SDK1: variants seen among roughly 807,000 people sequenced by gnomAD.
The protein encoded by SDK1 is sidekick cell adhesion molecule 1, also known as protein sidekick-1.
SDK1 carries 157 observed loss-of-function variants against 245.5 expected under a neutral mutation model. That is an observed-to-expected ratio of 0.64 (90% CI 0.56 to 0.73). The LOEUF (loss-of-function observed/expected upper bound fraction) is 0.73. Ranked by LOEUF, SDK1 falls within the 30% of genes least tolerant of loss-of-function variation. The probability of loss-of-function intolerance (pLI) is 0.00; values close to 1 mark genes in which losing one functional copy is unlikely to be tolerated. For missense variants in SDK1, 3,583 were observed against 3,002.3 expected, an observed-to-expected ratio of 1.19 and a Z score of -4.52; for synonymous variants, 1,647 against 1,278.5, an observed-to-expected ratio of 1.29 and a Z score of -6.15.
intron 22 of SDK1, among the ~76,000 whole-genome samples, chr7:4,080,063 G>T (rs755960941): frequency 1.3e-5 from 2 of 152,158 alleles, no homozygotes; most frequent in African/African-American, 4.8e-5. Context: ...TTCTGCTGTC[G>T]AGGAGAAAAG....
At chr7:4,231,738 G>A (rs17134649) in intron 40 of SDK1, among the ~76,000 whole-genome samples, 2,890 of 152,236 alleles carry the variant, frequency 0.019, 47 homozygotes, top group South Asian at 0.026. Flanking sequence ...TGACTGTAAG[G>A]ACTTAGTCGG....
chr7:3,525,447 G>C (rs986779350), intron 1 of SDK1, among the ~76,000 whole-genome samples: 1 of 152,106 alleles, frequency 6.6e-6, no homozygotes, highest in Admixed American at 6.5e-5. Context: ...TGATGGCATA[G>C]TACATTTACT....
chr7:3,874,629 G>A (rs112122634), intron 5 of SDK1, among the ~76,000 whole-genome samples: 1,618 of 152,106 alleles, frequency 0.011, 38 homozygotes, highest in African/African-American at 0.037. Flanking sequence ...TCTGCAGTGC[G>A]ATCCCACCCC....
In SDK1 at chr7:3,755,713, T is replaced by A. The variant is rs189454692; in HGVS notation, c.714-65737T>A. ...CCAAACAAACGCTGATAGGTTTGTT[T>A]GCCCCTGTAATTTTGTTATTTTCAG... On this transcript the variant is annotated intron_variant, in intron 4 of 44. Transcript: ENST00000404826. Among the ~76,000 whole-genome samples the A allele has an allele frequency of 2.9e-4, 44 of 152,252 alleles. 2 individuals are homozygous for A. Among genetic ancestry groups the A allele is most frequent in the Admixed American group, 2.2e-3 (34 of 15,302 alleles).
intron 12 of SDK1, 82 bp downstream of exon 12, chr7:3,971,650 A>T: frequency 1.9e-6 from 2 of 1,035,764 alleles, no homozygotes; most frequent in Non-Finnish European, 2.9e-6. Flanking sequence ...AGGAGGAAGA[A>T]TTGGGGGAAC....
At chr7:3,802,251 G>C (rs1288817632) in intron 4 of SDK1, among the ~76,000 whole-genome samples, 1 of 152,126 alleles carries the variant, frequency 6.6e-6, no homozygotes, top group Admixed American at 6.5e-5. Context: ...ACAGTGCTGG[G>C]CTGGTCTCAC....
rs146502835 is a variant in SDK1, at chr7:4,240,796, C to T, written c.6131-997C>T. 1.4e-3 allele frequency among the ~76,000 whole-genome samples: 210 copies of T among 151,956 alleles called. 1 individual carries two copies. The highest frequency in any genetic ancestry group is 4.8e-3 in the African/African-American group (200 of 41,420). On this transcript the variant is annotated intron_variant, in intron 42 of 44. Transcript: ENST00000404826. ...AGGGAGGTCGCCTCTGGTCTCAGGG[C>T]GTTTGAGCTGTGATCTGCAGGAAGG...
chr7:3,641,952 C>T lies in SDK1; in HGVS notation c.566-6C>T. On this transcript the variant is annotated splice_polypyrimidine_tract_variant and splice_region_variant and intron_variant, in intron 3 of 44. Transcript: ENST00000404826. Reference sequence around the variant, plus strand: ...AGAACTTGAAAGCACTTCTTTTTCTCTGCAGATATGGGAAGTTTCATGGAT... The same window carrying T: ...AGAACTTGAAAGCACTTCTTTTTCTTTGCAGATATGGGAAGTTTCATGGAT... The T allele has an allele frequency of 6.2e-7, 1 of 1,608,780 alleles. No homozygotes were observed. The highest frequency in any genetic ancestry group is 8.5e-7 in the Non-Finnish European group (1 of 1,178,064).
intron 1 of SDK1, among the ~76,000 whole-genome samples, chr7:3,312,615 G>A (rs1042323522): frequency 1.3e-5 from 2 of 151,742 alleles, no homozygotes; most frequent in African/African-American, 4.8e-5. Flanking sequence ...TAAAGAGCCA[G>A]GTAGATATAA....
chr7:4,072,751 C>T (rs1336105302), intron 20 of SDK1, among the ~76,000 whole-genome samples: 3 of 152,330 alleles, frequency 2.0e-5, no homozygotes, highest in Non-Finnish European at 4.4e-5. Context: ...GGATGACTGA[C>T]GGCTTGGGCC....
intron 17 of SDK1, among the ~76,000 whole-genome samples, chr7:4,023,067 C>T (rs906509925): frequency 6.6e-6 from 1 of 152,154 alleles, no homozygotes; most frequent in African/African-American, 2.4e-5. Flanking sequence ...AGCCAACACG[C>T]CCGGCCCTTG....
chr7:3,615,839 A>G (rs1032033365), intron 1 of SDK1, among the ~76,000 whole-genome samples: 5 of 143,076 alleles, frequency 3.5e-5, no homozygotes, highest in Non-Finnish European at 7.9e-5. Context: ...TGTTCTTTTA[A>G]CAACACAATC....
chr7:4,148,578 G>C (rs892123239), intron 29 of SDK1, among the ~76,000 whole-genome samples: 1 of 152,168 alleles, frequency 6.6e-6, no homozygotes, highest in Non-Finnish European at 1.5e-5. Context: ...GTTAAAGGTG[G>C]ACTGAGCACA....
intron 44 of SDK1, among the ~76,000 whole-genome samples, chr7:4,250,838 G>A (rs183900690): frequency 2.8e-4 from 42 of 152,130 alleles, no homozygotes; most frequent in Admixed American, 2.0e-3. Context: ...TAGAATATAC[G>A]ATTCAATGGT....
intron 28 of SDK1, among the ~76,000 whole-genome samples, chr7:4,135,813 G>A (rs1779047359): frequency 6.6e-6 from 1 of 152,178 alleles, no homozygotes; most frequent in Non-Finnish European, 1.5e-5. Context: ...CGTTTCCCTG[G>A]CACCAGAGGA....
chr7:4,032,026 CA>C (rs1190606605), intron 17 of SDK1, among the ~76,000 whole-genome samples: 5,851 of 73,188 alleles, frequency 0.08, 158 homozygotes, highest in African/African-American at 0.15. Flanking sequence ...GACTCTGCCT[CA>C]AAAAAAAAAA....
At chr7:3,817,815 C>T (rs1779547063) in intron 4 of SDK1, among the ~76,000 whole-genome samples, 1 of 152,138 alleles carries the variant, frequency 6.6e-6, no homozygotes, top group Non-Finnish European at 1.5e-5. Context: ...TTGCCTAGCA[C>T]CTCAGGAGAG....
intron 17 of SDK1, among the ~76,000 whole-genome samples, chr7:4,021,329 G>A (rs1786878360): frequency 6.6e-6 from 1 of 152,166 alleles, no homozygotes; most frequent in African/African-American, 2.4e-5. Flanking sequence ...GCACCCAGAG[G>A]AACGGGCTAT....
chr7:3,883,928 C>T (rs1219356797), intron 5 of SDK1, among the ~76,000 whole-genome samples: 3 of 152,152 alleles, frequency 2.0e-5, no homozygotes, highest in African/African-American at 7.2e-5. Flanking sequence ...GATGAAGTCA[C>T]CAAACTTAAA....
Sources: gnomAD v4.1 joint callset for allele counts (sites outside exome capture counted in the v4.1 genomes callset) on GRCh38, gnomAD v4.1.1 for gene constraint, MANE v1.5 for transcripts, NCBI Gene and HGNC (gene_info 2026-07-23, HGNC 2026-07-21) for gene names.